CSMD1: variants seen among roughly 807,000 people sequenced by gnomAD.
The protein encoded by CSMD1 is CUB and sushi domain-containing protein 1.
Under a neutral mutation model 417.5 loss-of-function variants are expected in CSMD1, and 213 were observed. The observed-to-expected ratio is 0.51, with a 90% CI of 0.46 to 0.57. The LOEUF is 0.57. CSMD1 is among the 20% of genes least tolerant of loss of function. The pLI is 0.00. For synonymous variants in CSMD1, 2,862 were observed against 1,736.8 expected (o/e 1.65, Z -16.11); for missense variants, 6,923 against 4,529.7 (o/e 1.53, Z -15.17).
At chr8:3,285,230 A>G (rs761123462) in intron 25 of CSMD1, among the ~76,000 whole-genome samples, 2 of 152,314 alleles carry the variant, frequency 1.3e-5, no homozygotes, top group Non-Finnish European at 2.9e-5. Context: ...TGTTTTGCAT[A>G]TATTACATGT....
intron 57 of CSMD1, among the ~76,000 whole-genome samples, chr8:2,972,747 C>T (rs1362319537): frequency 2.6e-5 from 4 of 152,230 alleles, no homozygotes; most frequent in African/African-American, 7.2e-5. Context: ...TGCTTCCAGC[C>T]TGCGGAAATT....
chr8:3,100,321 C>T (rs906124265), intron 46 of CSMD1, among the ~76,000 whole-genome samples: 4 of 152,274 alleles, frequency 2.6e-5, no homozygotes, highest in Middle Eastern at 3.4e-3. Context: ...CCACCATGCT[C>T]GGCCTAAGAA....
intron 1 of CSMD1, among the ~76,000 whole-genome samples, chr8:4,878,390 T>C (rs2116944365): frequency 6.6e-6 from 1 of 152,212 alleles, no homozygotes; most frequent in East Asian, 1.9e-4. Context: ...CCATTAAATA[T>C]AGCTTTCATT....
intron 5 of CSMD1, among the ~76,000 whole-genome samples, chr8:3,866,664 A>T (rs1005397430): frequency 7.7e-6 from 1 of 129,216 alleles, no homozygotes; most frequent in African/African-American, 2.6e-5. Flanking sequence ...TAATAAGCTT[A>T]TAAGATTTCT....
At chr8:3,574,900 G>A in intron 10 of CSMD1, 45 bp downstream of exon 10, 1 of 1,601,124 alleles carries the variant, frequency 6.2e-7, no homozygotes, top group Admixed American at 1.7e-5. Context: ...GATCCTATAA[G>A]AGTGCTGTGT....
At chr8:3,957,011 G>T (rs567764984) in intron 5 of CSMD1, among the ~76,000 whole-genome samples, 1 of 151,182 alleles carries the variant, frequency 6.6e-6, no homozygotes, top group East Asian at 2.0e-4. Context: ...AACCCACATG[G>T]AAGTAGAGAG....
intron 3 of CSMD1, among the ~76,000 whole-genome samples, chr8:4,058,340 G>C (rs1180317696): frequency 1.3e-5 from 2 of 152,096 alleles, no homozygotes; most frequent in Non-Finnish European, 2.9e-5. Context: ...CTGTTTGCCT[G>C]TTATTGGTAT....
chr8:4,596,604 A>C lies in CSMD1; in HGVS notation c.302+40738T>G, dbSNP rs78176592. Among the ~76,000 whole-genome samples, 51 of 152,352 alleles carry C rather than the reference A, an allele frequency of 3.3e-4. No homozygotes were observed. In the East Asian group the frequency reaches 8.5e-3, roughly 25 times the overall value. Reference sequence around the variant, plus strand: ...CTCTGAAGTGCATATATTCTTCCTAAATCAATGCAACATTGTCTTTGTTAA... The same window carrying C: ...CTCTGAAGTGCATATATTCTTCCTACATCAATGCAACATTGTCTTTGTTAA... On this transcript the variant is annotated intron_variant, in intron 2 of 69. Transcript: ENST00000635120.
At chr8:4,936,169 A>C (rs1347617764) in intron 1 of CSMD1, among the ~76,000 whole-genome samples, 1 of 152,220 alleles carries the variant, frequency 6.6e-6, no homozygotes, top group African/African-American at 2.4e-5. Flanking sequence ...GATCCTGAAA[A>C]TCACATTAAG....
intron 1 of CSMD1, among the ~76,000 whole-genome samples, chr8:4,896,696 G>A (rs1804504853): frequency 6.6e-6 from 1 of 152,106 alleles, no homozygotes; most frequent in Non-Finnish European, 1.5e-5. Context: ...CGTGCTGGAA[G>A]ATCCAAGACT....
At chr8:3,261,051 G>A (rs1249514818) in intron 26 of CSMD1, among the ~76,000 whole-genome samples, 2 of 152,090 alleles carry the variant, frequency 1.3e-5, no homozygotes, top group Non-Finnish European at 2.9e-5. Flanking sequence ...ACACAGGTGA[G>A]AACTATAAAA....
At chr8:3,817,668 T>C (rs1368061712) in intron 5 of CSMD1, among the ~76,000 whole-genome samples, 1 of 152,128 alleles carries the variant, frequency 6.6e-6, no homozygotes, top group Non-Finnish European at 1.5e-5. Context: ...CTTAAAGCTC[T>C]TCTTTAATGG....
In CSMD1 at chr8:4,619,206, CCCA is replaced by C. The variant is rs141921520; in HGVS notation, c.302+18133_302+18135del. 3.2e-4 allele frequency among the ~76,000 whole-genome samples: 49 copies of C among 152,086 alleles called. 1 individual carries two copies. Among genetic ancestry groups the C allele is most frequent in the African/African-American group, 4.3e-4 (18 of 41,514 alleles). ...GGTGGGCAGAATGTCTACATTTTTT[CCCA>C]CCACCACCACCCCAAATAGTTTTTG... On this transcript the variant is annotated intron_variant, in intron 2 of 69. Coordinates refer to ENST00000635120, the MANE Select transcript of CSMD1 (RefSeq NM_033225.6).
intron 3 of CSMD1, among the ~76,000 whole-genome samples, chr8:4,135,336 A>AGGGGGG (rs779254924): frequency 0.17 from 5,860 of 34,144 alleles, 346 homozygotes; most frequent in Non-Finnish European, 0.23. Context: ...AGGAAGGGGA[A>AGGGGGG]AGAAGGAAGG....
intron 1 of CSMD1, among the ~76,000 whole-genome samples, chr8:4,769,369 G>A (rs995033700): frequency 1.2e-4 from 19 of 152,040 alleles, no homozygotes; most frequent in Non-Finnish European, 2.4e-4. Flanking sequence ...ATTCAATGAG[G>A]GAATTATGCA....
chr8:4,794,524 C>A (rs1261723356), intron 1 of CSMD1, among the ~76,000 whole-genome samples: 1 of 152,160 alleles, frequency 6.6e-6, no homozygotes, highest in South Asian at 2.1e-4. Context: ...TCCTCTCCAT[C>A]TCTGCCTGAC....
At chr8:4,599,681 C>T (rs931933935) in intron 2 of CSMD1, among the ~76,000 whole-genome samples, 1 of 152,304 alleles carries the variant, frequency 6.6e-6, no homozygotes, top group Non-Finnish European at 1.5e-5. Context: ...AACTATTTCA[C>T]CATCAGCATG....
At chr8:3,639,321 T>G (rs1218287726) in intron 7 of CSMD1, among the ~76,000 whole-genome samples, 1 of 152,170 alleles carries the variant, frequency 6.6e-6, no homozygotes, top group East Asian at 1.9e-4. Context: ...GTTGTTTCAT[T>G]AAGAGAATCA....
At chr8:4,756,545 G>C (rs1348674527) in intron 1 of CSMD1, among the ~76,000 whole-genome samples, 2 of 152,152 alleles carry the variant, frequency 1.3e-5, no homozygotes, top group African/African-American at 4.8e-5. Context: ...CTCCAACGAG[G>C]TATGTATAAT....
Sources: gnomAD v4.1 joint callset for allele counts (sites outside exome capture counted in the v4.1 genomes callset) on GRCh38, gnomAD v4.1.1 for gene constraint, MANE v1.5 for transcripts, NCBI Gene and HGNC (gene_info 2026-07-23, HGNC 2026-07-21) for gene names.